CDH4: variants seen among roughly 807,000 people sequenced by gnomAD.
CDH4 encodes the protein cadherin 4.
A neutral mutation model predicts 86.0 loss-of-function variants in CDH4; 33 were observed. The observed-to-expected ratio is 0.38, with a 90% CI of 0.29 to 0.51. The LOEUF (loss-of-function observed/expected upper bound fraction) is 0.51. Among genes scored for constraint, CDH4 ranks in the 20% least tolerant of loss-of-function variants. The probability of loss-of-function intolerance (pLI) is 0.86; values close to 1 mark genes in which losing one functional copy is unlikely to be tolerated. For missense variants in CDH4, 1,114 were observed against 1,307.4 expected, an observed-to-expected ratio of 0.85 and a Z score of 2.28; for synonymous variants, 555 against 549.4, an observed-to-expected ratio of 1.01 and a Z score of -0.14.
chr20:61,488,381 CTG>C (rs1483313014), intron 2 of CDH4, among the ~76,000 whole-genome samples: 11 of 152,184 alleles, frequency 7.2e-5, no homozygotes, highest in African/African-American at 2.7e-4. Context: ...TTCAGCGCCT[CTG>C]TAAACAAATG....
At chr20:61,426,523 C>T (rs1350092859) in intron 2 of CDH4, among the ~76,000 whole-genome samples, 1 of 152,172 alleles carries the variant, frequency 6.6e-6, no homozygotes, top group Non-Finnish European at 1.5e-5. Flanking sequence ...CTGCAGAAGA[C>T]GGTCTGCCTG....
intron 2 of CDH4, among the ~76,000 whole-genome samples, chr20:61,465,394 C>T (rs1281814498): frequency 1.3e-5 from 2 of 151,898 alleles, no homozygotes; most frequent in Non-Finnish European, 1.5e-5. Context: ...CAATTCTCCT[C>T]TCTTTTCACA....
At chr20:61,749,633 T>C (rs2088463276) in intron 3 of CDH4, among the ~76,000 whole-genome samples, 1 of 150,802 alleles carries the variant, frequency 6.6e-6, no homozygotes, top group African/African-American at 2.4e-5. Context: ...TCATTAACCC[T>C]TGGGCAGGAA....
intron 2 of CDH4, among the ~76,000 whole-genome samples, chr20:61,263,965 G>A (rs979121321): frequency 1.3e-5 from 2 of 152,054 alleles, no homozygotes; most frequent in African/African-American, 4.8e-5. Flanking sequence ...TCTTCCACTT[G>A]TAAGAATCCC....
rs113302072 is a variant in CDH4 at position 61,450,006 on chromosome 20, G to A, written c.169+195069G>A. 3.1e-3 allele frequency among the ~76,000 whole-genome samples: 479 copies of A among 152,336 alleles called. 5 individuals carry two copies. The highest frequency in any genetic ancestry group is 0.01 in the African/African-American group (432 of 41,580). On this transcript the variant is annotated intron_variant, in intron 2 of 15. Transcript: ENST00000614565. ...TGTGTTCCCTTTTGGAGCAGGTGCCGTTTGCAGCACTGCTGGCCTCTGCCC... is the reference window on the plus strand; with the variant it reads ...TGTGTTCCCTTTTGGAGCAGGTGCCATTTGCAGCACTGCTGGCCTCTGCCC...
chr20:61,537,109 A>G (rs1323706323), intron 2 of CDH4, among the ~76,000 whole-genome samples: 1 of 152,214 alleles, frequency 6.6e-6, no homozygotes, highest in Non-Finnish European at 1.5e-5. Flanking sequence ...GCCAGGCGTC[A>G]TGCCATTTCA....
chr20:61,716,324 C>T (rs1369062746), intron 2 of CDH4, among the ~76,000 whole-genome samples: 1 of 151,596 alleles, frequency 6.6e-6, no homozygotes, highest in Non-Finnish European at 1.5e-5. Context: ...CCATGAGCTG[C>T]CTCTTGGCTG....
At chr20:61,899,662 C>T (rs905309964) in intron 8 of CDH4, among the ~76,000 whole-genome samples, 1 of 152,244 alleles carries the variant, frequency 6.6e-6, no homozygotes, top group Non-Finnish European at 1.5e-5. Context: ...CTCCTGACCT[C>T]GTGATCCGCC....
chr20:61,334,670 C>T (rs1362891460), intron 2 of CDH4, among the ~76,000 whole-genome samples: 1 of 152,210 alleles, frequency 6.6e-6, no homozygotes, highest in Non-Finnish European at 1.5e-5. Flanking sequence ...CTTTGTGCCA[C>T]CACGCTGGGG....
intron 2 of CDH4, among the ~76,000 whole-genome samples, chr20:61,565,741 C>T (rs931061579): frequency 1.3e-5 from 2 of 152,190 alleles, no homozygotes; most frequent in African/African-American, 4.8e-5. Flanking sequence ...GGGAAAGGCT[C>T]CAGCAGACCC....
At chr20:61,260,880 T>C (rs1294110679) in intron 2 of CDH4, among the ~76,000 whole-genome samples, 2 of 152,150 alleles carry the variant, frequency 1.3e-5, no homozygotes, top group Non-Finnish European at 2.9e-5. Context: ...CTTTAGAAAG[T>C]GGTTGCTATC....
intron 2 of CDH4, among the ~76,000 whole-genome samples, chr20:61,557,720 G>A (rs766837229): frequency 3.5e-5 from 5 of 144,860 alleles, no homozygotes; most frequent in Non-Finnish European, 7.7e-5. Flanking sequence ...AGGGAACCAC[G>A]GAGCGCCTCT....
At chr20:61,767,218 T>C (rs893231153) in intron 3 of CDH4, among the ~76,000 whole-genome samples, 1 of 152,206 alleles carries the variant, frequency 6.6e-6, no homozygotes, top group Non-Finnish European at 1.5e-5. Flanking sequence ...CTGAGGGCCA[T>C]TTGCTTTGTC....
At chr20:61,380,060 G>T (rs534585517) in intron 2 of CDH4, among the ~76,000 whole-genome samples, 3 of 152,286 alleles carry the variant, frequency 2.0e-5, no homozygotes, top group South Asian at 4.1e-4. Flanking sequence ...AAGCAAGGAT[G>T]CATAGGGAGA....
chr20:61,646,924 T>TGA (rs1279810946), intron 2 of CDH4, among the ~76,000 whole-genome samples: 1 of 152,254 alleles, frequency 6.6e-6, no homozygotes, highest in Non-Finnish European at 1.5e-5. Context: ...AAACTGCAAG[T>TGA]GTGGTTAAAA....
At position 61,417,735 on chromosome 20, in the gene CDH4, G is replaced by C. The variant is rs2085154708; in HGVS notation, c.169+162798G>C. On this transcript the variant is annotated intron_variant, in intron 2 of 15. Coordinates refer to ENST00000614565, the MANE Select transcript of CDH4 (RefSeq NM_001794.5). The surrounding 1 kb of genome is among the most constrained non-coding windows in gnomAD (Gnocchi z 4.0). ...CGGCTGGAGACAGGTGCACATGGCG[G>C]GAAGTGGGCACAGGAGCCTTGACCT... Among the ~76,000 whole-genome samples the C allele has an allele frequency of 6.6e-6, 1 of 152,154 alleles. No homozygotes were observed. Among genetic ancestry groups the C allele is most frequent in the African/African-American group, 2.4e-5 (1 of 41,442 alleles).
At chr20:61,409,523 G>A (rs117481605) in intron 2 of CDH4, among the ~76,000 whole-genome samples, 2,238 of 152,336 alleles carry the variant, frequency 0.015, 24 homozygotes, top group South Asian at 0.027. Context: ...ACCCGGGGCC[G>A]CCTGGGCAGT....
chr20:61,573,054 ATGGATGGATGGATGGATAGATGGT>A (rs538400550), intron 2 of CDH4, among the ~76,000 whole-genome samples: 103 of 151,832 alleles, frequency 6.8e-4, no homozygotes, highest in Non-Finnish European at 1.2e-3. Context: ...GGATGGATGG[ATGGATGGATGGATGGATAGATGGT>A]TGGATGGATG....
chr20:61,583,224 G>A (rs1368837822), intron 2 of CDH4, among the ~76,000 whole-genome samples: 3 of 107,604 alleles, frequency 2.8e-5, no homozygotes, highest in East Asian at 3.1e-4. Flanking sequence ...GGGGACAGAC[G>A]GTTCTGCGGG....
Sources: gnomAD v4.1 joint callset for allele counts (sites outside exome capture counted in the v4.1 genomes callset) on GRCh38, gnomAD v4.1.1 for gene constraint, Gnocchi (gnomAD v3.1) non-coding constraint, MANE v1.5 for transcripts, NCBI Gene and HGNC (gene_info 2026-07-23, HGNC 2026-07-21) for gene names.